The following MTX3 variants were observed in gnomAD, a reference collection of about 807,000 sequenced individuals.
MTX3 encodes metaxin 3, also known as metaxin-3.
A neutral mutation model predicts 42.5 loss-of-function variants in MTX3; 27 were observed. That is an observed-to-expected ratio of 0.64 (90% CI 0.47 to 0.88). The LOEUF (loss-of-function observed/expected upper bound fraction) is 0.88. Ranked by LOEUF, MTX3 falls within the 40% of genes least tolerant of loss-of-function variation. The pLI is 0.00. For synonymous variants in MTX3, 144 were observed against 132.9 expected, an observed-to-expected ratio of 1.08 and a Z score of -0.57; for missense variants, 378 against 367.0, an observed-to-expected ratio of 1.03 and a Z score of -0.25.
intron 4 of MTX3, 45 bp downstream of exon 4, chr5:79,989,107 T>C (rs1371823796): frequency 7.4e-7 from 1 of 1,342,518 alleles, no homozygotes; most frequent in South Asian, 1.3e-5. Flanking sequence ...CTATGTACAT[T>C]TGCAACTAGG....
chr5:79,990,251 C>G lies in MTX3; in HGVS notation c.152-15G>C, dbSNP rs866338686. On this transcript the variant is annotated splice_polypyrimidine_tract_variant and intron_variant, in intron 2 of 8. Transcript: ENST00000512528. Reference sequence around the variant, plus strand: ...TGGTACATCGCCTATAATCAAAAAACAGTTTACATACAAGGACACAGTGTG... The same window carrying G: ...TGGTACATCGCCTATAATCAAAAAAGAGTTTACATACAAGGACACAGTGTG... The G allele has an allele frequency of 6.4e-7, 1 of 1,570,682 alleles. No homozygotes were observed. Among genetic ancestry groups the G allele is most frequent in the Non-Finnish European group, 8.7e-7 (1 of 1,147,582 alleles).
intron 8 of MTX3, among the ~76,000 whole-genome samples, chr5:79,984,436 G>A (rs1156587908): frequency 6.6e-6 from 1 of 152,074 alleles, no homozygotes; most frequent in Non-Finnish European, 1.5e-5. Flanking sequence ...AGTACATTAG[G>A]CAAAAAGAAA....
intron 7 of MTX3, 93 bp downstream of exon 7, chr5:79,986,857 C>A (rs952794703): frequency 7.7e-7 from 1 of 1,296,386 alleles, no homozygotes; most frequent in Admixed American, 2.2e-5. Context: ...AGACAATACA[C>A]AAACTTCTAA....
In MTX3 at chr5:79,984,180, C is replaced by T. The variant is rs1831437865; in HGVS notation, c.829-386G>A. On this transcript the variant is annotated intron_variant, in intron 8 of 8. Coordinates refer to ENST00000512528, the MANE Select transcript of MTX3 (RefSeq NM_001363818.2). ...AGTATCTTATTTGATCTTCCCGATA[C>T]GCTATGAAGAAAAGGCAGACACAGA... Among the ~76,000 whole-genome samples, 6 of 152,108 alleles carry T rather than the reference C, an allele frequency of 3.9e-5. No individual in the cohort carries two copies. The South Asian group carries it at 1.2e-3, about 32-fold the overall frequency.
chr5:79,979,647 A>C lies in MTX3; in HGVS notation c.*4037T>G, dbSNP rs1393140567. The C allele has an allele frequency of 6.6e-6, 1 of 152,200 alleles. No homozygotes were observed. 9.4% of individuals were successfully genotyped at this position (152,200 alleles called of 1,614,324 possible). On this transcript the variant is annotated 3_prime_UTR_variant, in exon 9 of 9. Coordinates refer to ENST00000512528, the MANE Select transcript of MTX3 (RefSeq NM_001363818.2). Reference sequence around the variant, plus strand: ...TGTCAAGGGACAGAGCTTTTTCAAAATATTTTATCCTCAGAAGTAAACCCC... The same window carrying C: ...TGTCAAGGGACAGAGCTTTTTCAAACTATTTTATCCTCAGAAGTAAACCCC...
rs962817242 is a variant in MTX3, at chr5:79,982,262, T to C, written c.*1422A>G. 1 of 319,908 alleles carries C rather than the reference T, an allele frequency of 3.1e-6. No individual in the cohort carries two copies. The highest frequency in any genetic ancestry group is 2.6e-5 in the South Asian group (1 of 38,138). 19.8% of individuals were successfully genotyped at this position (319,908 alleles called of 1,614,324 possible). A position where few individuals can be genotyped will look rare whatever the true frequency, so the allele number is the denominator to read the frequency against. On this transcript the variant is annotated 3_prime_UTR_variant, in exon 9 of 9. Coordinates refer to ENST00000512528, the MANE Select transcript of MTX3 (RefSeq NM_001363818.2). ...GTTAAAACTTTCAAGAAAAAATATT[T>C]AGAATGACTTAAAGACTCTTGTATA...
intron 3 of MTX3, among the ~76,000 whole-genome samples, chr5:79,989,584 CCAAGA>C (rs1316044225): frequency 2.0e-5 from 3 of 151,998 alleles, no homozygotes; most frequent in Non-Finnish European, 4.4e-5. Context: ...GTGTTTCTCC[CCAAGA>C]CAAAAGAAAA....
intron 7 of MTX3, among the ~76,000 whole-genome samples, chr5:79,986,419 T>G (rs1561282302): frequency 6.6e-6 from 1 of 152,184 alleles, no homozygotes; most frequent in African/African-American, 2.4e-5. Flanking sequence ...AAGGCTCCAC[T>G]CTCTCAATGA....
chr5:79,982,290 T>A lies in MTX3; in HGVS notation c.*1394A>T, dbSNP rs1460233134. 7 of 375,340 alleles carry A rather than the reference T, an allele frequency of 1.9e-5. No individual in the cohort carries two copies. The highest frequency in any genetic ancestry group is 3.7e-5 in the Non-Finnish European group (7 of 187,526). 23.3% of individuals were successfully genotyped at this position (375,340 alleles called of 1,614,324 possible). A position where few individuals can be genotyped will look rare whatever the true frequency, so the allele number is the denominator to read the frequency against. The stretch of plus-strand genomic sequence containing the variant: ...AATGACTTAAAGACTCTTGTATAAA[T>A]AACTACCTAAATACAGAACAAATTG... On this transcript the variant is annotated 3_prime_UTR_variant, in exon 9 of 9. Transcript: ENST00000512528.
At chr5:79,989,345 C>A in intron 3 of MTX3, 101 bp from the exon 4 acceptor site, 1 of 697,660 alleles carries the variant, frequency 1.4e-6, no homozygotes. Flanking sequence ...TTACAAATAG[C>A]AAACGTGGTA....
intron 8 of MTX3, 63 bp downstream of exon 8, chr5:79,985,508 G>T: frequency 9.0e-7 from 1 of 1,109,136 alleles, no homozygotes; most frequent in South Asian, 1.3e-5. Context: ...TGACCCAAAT[G>T]ACAATATTAG....
chr5:79,986,806 G>T, intron 7 of MTX3, 144 bp downstream of exon 7: 1 of 726,168 alleles, frequency 1.4e-6, no homozygotes. Context: ...AATGAAGTCG[G>T]AAAAACACAA....
In MTX3 at chr5:79,990,172, A is replaced by G. The variant is rs934689749; in HGVS notation, c.216T>C (p.Phe72=). 1.2e-6 allele frequency: 2 copies of G among 1,608,176 alleles called. No homozygotes were observed. Among genetic ancestry groups the G allele is most frequent in the South Asian group, 1.1e-5 (1 of 89,882 alleles). The change falls in exon 3 of 9, where the codon TTT becomes TTC. Residue 72 remains phenylalanine (F), a synonymous_variant. Coordinates refer to ENST00000512528, the MANE Select transcript of MTX3 (RefSeq NM_001363818.2). ...MVSQPAKILN[F]LRKQKYNADY... is the part of the protein sequence containing the mutation. Reference sequence around the variant, plus strand: ...GTGAACCACCCACCTGTTTTCTTAAAAAGTTTAGTATTTTTGCTGGCTGAG... The same window carrying G: ...GTGAACCACCCACCTGTTTTCTTAAGAAGTTTAGTATTTTTGCTGGCTGAG...
At chr5:79,989,279 G>T in intron 3 of MTX3, 35 bp from the exon 4 acceptor site, 1 of 1,364,488 alleles carries the variant, frequency 7.3e-7, no homozygotes, top group African/African-American at 1.5e-5. Flanking sequence ...AAACTCAGAA[G>T]TCAAAGAGCA....
Position 79,982,580 on chromosome 5 carries a change from C to A in MTX3, c.*1104G>T. On this transcript the variant is annotated 3_prime_UTR_variant, in exon 9 of 9. Coordinates refer to ENST00000512528, the MANE Select transcript of MTX3 (RefSeq NM_001363818.2). ...AGTAAAATTACCACACAGCAAATCC[C>A]TTAACAGTTCAGCAACCAATAAATA... is the stretch of plus-strand genomic sequence containing the variant. 3.3e-6 allele frequency: 1 copy of A among 305,484 alleles called. No individual in the cohort carries two copies. Among genetic ancestry groups the A allele is most frequent in the South Asian group, 3.0e-5 (1 of 33,520 alleles). 18.9% of individuals were successfully genotyped at this position (305,484 alleles called of 1,614,324 possible).
At chr5:79,991,017 G>T in intron 1 of MTX3, 141 bp downstream of exon 1, 1 of 916,860 alleles carries the variant, frequency 1.1e-6, no homozygotes. Flanking sequence ...ACTCGTCGGT[G>T]GGAGGGAGCC....
chr5:79,984,781 A>G (rs72772239), intron 8 of MTX3, among the ~76,000 whole-genome samples: 8,075 of 152,128 alleles, frequency 0.053, 299 homozygotes, highest in Non-Finnish European at 0.083. Context: ...CCAAGTGGCA[A>G]AATATCTACA....
rs1381692104 is a variant in MTX3, at chr5:79,988,482, G to C, written c.484C>G (p.Leu162Val). 6.2e-7 allele frequency: 1 copy of C among 1,610,918 alleles called. No homozygotes were observed. Residue 162 changes from leucine (L) to valine (V), a missense_variant, in exon 5 of 9, where the codon CTC becomes GTC. Physicochemically the swap from Leu to Val is conservative, Grantham distance 32. Transcript: ENST00000512528. ...TATACCTGTGCTTCCACTTCTCGGA[G>C]GTGGTAGAGGGGAGGCTGTCCTCTG... is the stretch of plus-strand genomic sequence containing the variant. ...LTRGQPPLYH[L>V]REVEAQIYRD...
chr5:79,982,613 T>C lies in MTX3; in HGVS notation c.*1071A>G. The C allele has an allele frequency of 4.1e-6, 1 of 241,692 alleles. No individual in the cohort carries two copies. The allele number at this position is 241,692 out of a possible 1,614,324, so 15.0% of individuals were successfully genotyped here. On this transcript the variant is annotated 3_prime_UTR_variant, in exon 9 of 9. Transcript: ENST00000512528. ...TTCAGCAACCAATAAATAGAAAATA[T>C]TCATTAAAAGCTGCTATTTCTGATT...
Sources: allele counts gnomAD v4.1 joint callset (sites outside exome capture counted in the v4.1 genomes callset), GRCh38; gene constraint gnomAD v4.1.1; transcripts MANE v1.5; gene names NCBI Gene and HGNC (gene_info 2026-07-23, HGNC 2026-07-21).